SFMBT2: variants seen among roughly 807,000 people sequenced by gnomAD.
SFMBT2 encodes scm-like with four MBT domains protein 2.
A neutral mutation model predicts 110.1 loss-of-function variants in SFMBT2; 38 were observed. That is an observed-to-expected ratio of 0.35 (90% CI 0.27 to 0.45). The LOEUF (loss-of-function observed/expected upper bound fraction) is 0.45. Ranked by LOEUF, SFMBT2 falls within the 20% of genes least tolerant of loss-of-function variation. The pLI, the probability that SFMBT2 is intolerant of heterozygous loss-of-function variation, is 1.00. For synonymous variants in SFMBT2, 425 were observed against 425.4 expected (o/e 1.00, Z 0.01); for missense variants, 1,011 against 1,094.9 (o/e 0.92, Z 1.08).
chr10:7,317,140 C>T (rs2131921589), intron 4 of SFMBT2, among the ~76,000 whole-genome samples: 1 of 152,198 alleles, frequency 6.6e-6, no homozygotes, highest in South Asian at 2.1e-4. Flanking sequence ...TGCCCCCTCC[C>T]CCAGGGTCAT....
intron 4 of SFMBT2, among the ~76,000 whole-genome samples, chr10:7,345,717 G>GT (rs1242352994): frequency 2.0e-5 from 3 of 152,214 alleles, no homozygotes; most frequent in Non-Finnish European, 4.4e-5. Flanking sequence ...AAGAGTTGGA[G>GT]TATCAACAAG....
At chr10:7,321,247 G>A (rs960950049) in intron 4 of SFMBT2, among the ~76,000 whole-genome samples, 1 of 149,850 alleles carries the variant, frequency 6.7e-6, no homozygotes, top group African/African-American at 2.5e-5. Context: ...TGTTGCCCAG[G>A]CTGGAGTGCA....
chr10:7,400,378 C>T (rs1846044568), intron 1 of SFMBT2, among the ~76,000 whole-genome samples: 1 of 152,214 alleles, frequency 6.6e-6, no homozygotes, highest in Non-Finnish European at 1.5e-5. Context: ...AAGGCCATCT[C>T]CTTCTCCAAG....
At chr10:7,410,702 C>T (rs2132142534) in intron 1 of SFMBT2, among the ~76,000 whole-genome samples, 159 bp downstream of exon 1, 1 of 151,984 alleles carries the variant, frequency 6.6e-6, no homozygotes, top group East Asian at 1.9e-4. Context: ...CACCCGCCAC[C>T]TCCAACCCCA....
intron 12 of SFMBT2, chr10:7,202,849 C>G (rs2762603): frequency 1.0e-6 from 1 of 985,216 alleles, no homozygotes; most frequent in African/African-American, 1.7e-5. Context: ...TCAATTGTTG[C>G]AAGCAGTTAT....
At chr10:7,360,694 A>G (rs1241323559) in intron 4 of SFMBT2, among the ~76,000 whole-genome samples, 2 of 152,204 alleles carry the variant, frequency 1.3e-5, no homozygotes, top group Non-Finnish European at 2.9e-5. Flanking sequence ...GTTTACACCA[A>G]AAGTTACAAA....
chr10:7,226,460 A>G (rs1049455584), intron 10 of SFMBT2, among the ~76,000 whole-genome samples: 3 of 152,234 alleles, frequency 2.0e-5, no homozygotes, highest in African/African-American at 7.2e-5. Context: ...GTGCAATGAC[A>G]GTGTGGCAGC....
At chr10:7,195,632 G>A (rs993902158) in intron 15 of SFMBT2, among the ~76,000 whole-genome samples, 1 of 152,242 alleles carries the variant, frequency 6.6e-6, no homozygotes, top group Middle Eastern at 3.4e-3. Context: ...GTGCTGTGAG[G>A]ATCCTCTCCT....
intron 1 of SFMBT2, among the ~76,000 whole-genome samples, chr10:7,385,078 C>G (rs1287031548): frequency 2.6e-5 from 4 of 152,198 alleles, no homozygotes; most frequent in African/African-American, 4.8e-5. Flanking sequence ...TTGCCCCTGG[C>G]ATGCAGGGAG....
chr10:7,307,668 A>G (rs1842734716), intron 4 of SFMBT2, among the ~76,000 whole-genome samples: 1 of 152,228 alleles, frequency 6.6e-6, no homozygotes, highest in African/African-American at 2.4e-5. Context: ...CTGCCTGAAA[A>G]TCAATTCCAG....
At chr10:7,175,105 C>T (rs1196432855) in intron 17 of SFMBT2, among the ~76,000 whole-genome samples, 4 of 152,258 alleles carry the variant, frequency 2.6e-5, no homozygotes, top group Non-Finnish European at 5.9e-5. Flanking sequence ...GAGCACTGGC[C>T]ACATGGCCAA....
chr10:7,328,028 G>A (rs1277712127), intron 4 of SFMBT2, among the ~76,000 whole-genome samples: 1 of 152,176 alleles, frequency 6.6e-6, no homozygotes, highest in Non-Finnish European at 1.5e-5. Context: ...GTTTAAAGTT[G>A]TAAGAACTGC....
chr10:7,303,039 C>T (rs1041881225), intron 4 of SFMBT2, among the ~76,000 whole-genome samples: 21 of 151,952 alleles, frequency 1.4e-4, no homozygotes, highest in African/African-American at 4.4e-4. Context: ...GCACCTGTAG[C>T]TGTCAATAAG....
intron 12 of SFMBT2, chr10:7,202,886 T>C: frequency 1.0e-6 from 1 of 985,460 alleles, no homozygotes; most frequent in Non-Finnish European, 1.2e-6. Context: ...CCAATAAAAA[T>C]TGTGATGAAG....
At chr10:7,229,200 AG>A (rs1840037423) in intron 9 of SFMBT2, among the ~76,000 whole-genome samples, 1 of 152,226 alleles carries the variant, frequency 6.6e-6, no homozygotes, top group Admixed American at 6.5e-5. Context: ...ATATTGTCAC[AG>A]ATTCTATGAG....
Position 7,159,381 on chromosome 10 carries a change from A to C in SFMBT2, c.*4389T>G, listed in dbSNP as rs1242303536. On this transcript the variant is annotated 3_prime_UTR_variant, in exon 21 of 21. Coordinates refer to ENST00000397167, the MANE Select transcript of SFMBT2 (RefSeq NM_001387889.1). ...TCATAGTATGTTTGGGGTATCTGCA[A>C]ACCATTCTAGTGATAGAGCTATGAG... 1 of 152,206 alleles carries C rather than the reference A, an allele frequency of 6.6e-6. No individual in the cohort carries two copies. The highest frequency in any genetic ancestry group is 1.5e-5 in the Non-Finnish European group (1 of 68,032). 9.4% of individuals were successfully genotyped at this position (152,206 alleles called of 1,614,324 possible). A position where few individuals can be genotyped will look rare whatever the true frequency, so the allele number is the denominator to read the frequency against.
chr10:7,227,565 A>C (rs1156782440), intron 10 of SFMBT2, among the ~76,000 whole-genome samples: 2 of 152,236 alleles, frequency 1.3e-5, no homozygotes, highest in Non-Finnish European at 1.5e-5. Context: ...AATGAGAACC[A>C]CCTACTAATC....
intron 7 of SFMBT2, among the ~76,000 whole-genome samples, chr10:7,251,794 C>T (rs1223499370): frequency 1.3e-5 from 2 of 152,130 alleles, no homozygotes; most frequent in Non-Finnish European, 2.9e-5. Flanking sequence ...TGCAGGACCC[C>T]TTTCCTCCTG....
intron 4 of SFMBT2, among the ~76,000 whole-genome samples, chr10:7,324,149 C>T (rs1843297686): frequency 6.6e-6 from 1 of 152,192 alleles, no homozygotes; most frequent in African/African-American, 2.4e-5. Flanking sequence ...ATGATTCTAG[C>T]TCTACAATAG....
Sources: gnomAD v4.1 joint callset for allele counts (sites outside exome capture counted in the v4.1 genomes callset) on GRCh38, gnomAD v4.1.1 for gene constraint, MANE v1.5 for transcripts, NCBI Gene and HGNC (gene_info 2026-07-23, HGNC 2026-07-21) for gene names.